Variants in NEU3 observed in about 807,000 individuals in gnomAD.
The protein encoded by NEU3 is neuraminidase 3, also known as sialidase-3.
A neutral mutation model predicts 11.4 loss-of-function variants in NEU3; 10 were observed. That is an observed-to-expected ratio of 0.88 (90% CI 0.54 to 1.49). The LOEUF (loss-of-function observed/expected upper bound fraction) is 1.49. NEU3 is among the 40% of genes most tolerant of loss of function. The pLI is 0.00. For missense variants in NEU3, 529 were observed against 581.8 expected (o/e 0.91, Z 0.93); for synonymous variants, 212 against 228.2 (o/e 0.93, Z 0.64).
intron 2 of NEU3, among the ~76,000 whole-genome samples, chr11:75,004,891 CCTTTT>C (rs1435592101): frequency 1.3e-5 from 2 of 151,708 alleles, no homozygotes; most frequent in African/African-American, 4.8e-5. Flanking sequence ...TTCTTTTCTT[CCTTTT>C]CTTTTTTCTT....
rs960876233 is a variant in NEU3 at position 75,006,514 on chromosome 11, A to G, written c.*22A>G. On this transcript the variant is annotated 3_prime_UTR_variant, in exon 3 of 3. Coordinates refer to ENST00000294064, the MANE Select transcript of NEU3 (RefSeq NM_006656.6). ...TTAATTGGCTTAGGACCCAATTTCC[A>G]TAGATGCAAATGGCAGTTACAGACA... The G allele has an allele frequency of 7.6e-6, 12 of 1,580,630 alleles. No homozygotes were observed. Among genetic ancestry groups the G allele is most frequent in the Non-Finnish European group, 1.0e-5 (12 of 1,163,196 alleles).
Position 75,006,033 on chromosome 11 carries a change from A to T in NEU3, c.927A>T (p.Pro309=), listed in dbSNP as rs766760875. 6.2e-7 allele frequency: 1 copy of T among 1,613,974 alleles called. No homozygotes were observed. The highest frequency in any genetic ancestry group is 8.5e-7 in the Non-Finnish European group (1 of 1,179,878). Residue 309 remains proline, a synonymous_variant, in exon 3 of 3, where the codon CCA becomes CCT. Coordinates refer to ENST00000294064, the MANE Select transcript of NEU3 (RefSeq NM_006656.6). ...LALSRQLCEP[P]HGCQGSVVSF... ...TGAGTCGACAGCTCTGTGAGCCCCCACATGGTTGCCAAGGGAGTGTGGTAA... is the reference window on the plus strand; with the variant it reads ...TGAGTCGACAGCTCTGTGAGCCCCCTCATGGTTGCCAAGGGAGTGTGGTAA...
intron 2 of NEU3, among the ~76,000 whole-genome samples, chr11:74,998,701 TG>T (rs1490743661): frequency 6.6e-6 from 1 of 152,214 alleles, no homozygotes; most frequent in African/African-American, 2.4e-5. Flanking sequence ...CATCAATCCC[TG>T]TCTTTGCTTT....
chr11:74,989,083 C>T lies in NEU3; in HGVS notation c.23C>T (p.Pro8Leu), dbSNP rs1948701343. 1 of 1,550,862 alleles carries T rather than the reference C, an allele frequency of 6.4e-7. No individual in the cohort carries two copies. MRPADLP[P>L]RPMEESPASS... Reference sequence around the variant, plus strand: ...CGAATGAGACCTGCGGACCTGCCCCCGCGCCCCATGGAAGAATCCCCGGCG... The same window carrying T: ...CGAATGAGACCTGCGGACCTGCCCCTGCGCCCCATGGAAGAATCCCCGGCG... Residue 8 changes from proline (P) to leucine (L), a missense_variant, in exon 1 of 3, where the codon CCG (proline) becomes CTG (leucine). Physicochemically the swap from Pro to Leu is moderately conservative, Grantham distance 98 (BLOSUM62 -3). Coordinates refer to ENST00000294064, the MANE Select transcript of NEU3 (RefSeq NM_006656.6).
intron 3 of NEU3, among the ~76,000 whole-genome samples, chr11:75,018,362 A>C (rs1171858976): frequency 6.6e-6 from 1 of 152,006 alleles, no homozygotes; most frequent in Non-Finnish European, 1.5e-5. Flanking sequence ...GCCGAAGGAG[A>C]CTAACATTTG....
Position 74,994,586 on chromosome 11 carries a change from C to G in NEU3, c.172C>G (p.Arg58Gly). Residue 58 changes from arginine to glycine, a missense_variant, in exon 2 of 3, where the codon CGG becomes GGG. Transcript: ENST00000294064. ...GGAAGATGACAGAGGGATTACCTAC[C>G]GGATCCCAGCCCTGCTCTACATACC... ...RQEDDRGITY[R>G]IPALLYIPPT... 6.2e-7 allele frequency: 1 copy of G among 1,613,952 alleles called. No individual in the cohort carries two copies.
rs369776172 is a variant in NEU3 at position 75,005,849 on chromosome 11, G to A, written c.743G>A (p.Gly248Asp). ...SDDLGVTWHH[G>D]RLIRPMVTVE... ...GACCTAGGGGTCACATGGCACCATG[G>A]TAGACTCATTAGGCCCATGGTTACA... is the stretch of plus-strand genomic sequence containing the variant. Residue 248 changes from glycine (G) to aspartate (D), a missense_variant, in exon 3 of 3, where the codon GGT becomes GAT. By Grantham distance (94) the Gly-to-Asp change is moderately conservative. Transcript: ENST00000294064. The A allele has an allele frequency of 2.6e-5, 42 of 1,613,844 alleles. 1 individual carries two copies. Among genetic ancestry groups the A allele is most frequent in the Middle Eastern group, 3.3e-4 (2 of 6,084 alleles).
chr11:74,987,729 C>T (rs901276407), upstream of NEU3, among the ~76,000 whole-genome samples: 23 of 151,940 alleles, frequency 1.5e-4, no homozygotes, highest in Non-Finnish European at 5.9e-5. Context: ...AGGAGAATGG[C>T]GTGAACCCGG....
chr11:75,007,866 C>G lies in NEU3; in HGVS notation c.*1374C>G, dbSNP rs1480566017. 1 of 152,000 alleles carries G rather than the reference C, an allele frequency of 6.6e-6. No homozygotes were observed. Among genetic ancestry groups the G allele is most frequent in the African/African-American group, 2.4e-5 (1 of 41,348 alleles). 9.4% of individuals were successfully genotyped at this position (152,000 alleles called of 1,614,324 possible). On this transcript the variant is annotated 3_prime_UTR_variant, in exon 3 of 3. Coordinates refer to ENST00000294064, the MANE Select transcript of NEU3 (RefSeq NM_006656.6). The stretch of plus-strand genomic sequence containing the variant: ...AGGAGTCTAATGCTTAAACTGGTAT[C>G]AACTAAATATATTTGGTGTTGTACA...
Position 75,007,808 on chromosome 11 carries a change from A to T in NEU3, c.*1316A>T, listed in dbSNP as rs1948913726. ...AGCCTGTTATTGCAACAGAAATTCTATCATGAGAGATTTATTTTTTTGTCC... is the reference window on the plus strand; with the variant it reads ...AGCCTGTTATTGCAACAGAAATTCTTTCATGAGAGATTTATTTTTTTGTCC... On this transcript the variant is annotated 3_prime_UTR_variant, in exon 3 of 3. Transcript: ENST00000294064. 6.6e-6 allele frequency: 1 copy of T among 152,198 alleles called. No homozygotes were observed. Among genetic ancestry groups the T allele is most frequent in the Non-Finnish European group, 1.5e-5 (1 of 68,038 alleles). The allele number at this position is 152,198 out of a possible 1,614,324, so 9.4% of individuals were successfully genotyped here.
At chr11:74,989,523 C>T (rs1385589949) in intron 1 of NEU3, among the ~76,000 whole-genome samples, 2 of 152,036 alleles carry the variant, frequency 1.3e-5, no homozygotes, top group Non-Finnish European at 2.9e-5. Context: ...GTCCCCATCC[C>T]GGGCCCGAGT....
intron 2 of NEU3, among the ~76,000 whole-genome samples, chr11:74,997,365 C>A (rs1479982694): frequency 6.6e-6 from 1 of 152,214 alleles, no homozygotes; most frequent in Non-Finnish European, 1.5e-5. Context: ...GCTTCCATAC[C>A]TCTCTCAGCC....
chr11:75,005,028 C>T (rs1365454513), intron 2 of NEU3, among the ~76,000 whole-genome samples: 5 of 151,566 alleles, frequency 3.3e-5, no homozygotes, highest in Admixed American at 6.6e-5. Flanking sequence ...CCTGAAAAGG[C>T]TCATAGTCTA....
At chr11:75,020,541 C>A (rs183595913), downstream of NEU3, among the ~76,000 whole-genome samples, 7 of 152,310 alleles carry the variant, frequency 4.6e-5, no homozygotes, top group African/African-American at 1.7e-4. Flanking sequence ...AGGCAGAGTT[C>A]CCCTTCACAA....
chr11:75,005,917 C>T lies in NEU3; in HGVS notation c.811C>T (p.Pro271Ser), dbSNP rs748401241. The change falls in exon 3 of 3, where the codon CCT (proline) becomes TCT (serine). Residue 271 changes from proline (P) to serine (S), a missense_variant. By Grantham distance (74) the Pro-to-Ser change is moderately conservative. Transcript: ENST00000294064. ...AGAGGTGACTGGGAGGGCTGGCCAC[C>T]CTGTGCTATATTGCAGTGCCCGGAC... ...VAEVTGRAGH[P>S]VLYCSARTPN... is the part of the protein sequence containing the mutation. 2 of 1,613,624 alleles carry T rather than the reference C, an allele frequency of 1.2e-6. No homozygotes were observed. The highest frequency in any genetic ancestry group is 1.7e-6 in the Non-Finnish European group (2 of 1,179,850).
At position 75,005,808 on chromosome 11, in the gene NEU3, G is replaced by A; in HGVS notation, c.702G>A (p.Leu234=). 1 of 1,613,946 alleles carries A rather than the reference G, an allele frequency of 6.2e-7. No homozygotes were observed. Among genetic ancestry groups the A allele is most frequent in the Non-Finnish European group, 8.5e-7 (1 of 1,179,862 alleles). The stretch of plus-strand genomic sequence containing the variant: ...CATGTAAAACCAGGCCTCATTCTCT[G>A]ATGATCTACAGTGATGACCTAGGGG... ...QLPCKTRPHS[L]MIYSDDLGVT... is the part of the protein sequence containing the mutation. The change falls in exon 3 of 3, where the codon CTG becomes CTA. Residue 234 remains leucine, a synonymous_variant. Transcript: ENST00000294064.
intron 2 of NEU3, chr11:74,995,023 G>A (rs1321705113): frequency 6.9e-6 from 4 of 580,336 alleles, no homozygotes; most frequent in Non-Finnish European, 1.2e-5. Context: ...AGCAGTAGAA[G>A]CTGGTTTCAA....
At chr11:74,989,631 A>G (rs1186002777) in intron 1 of NEU3, among the ~76,000 whole-genome samples, 1 of 152,172 alleles carries the variant, frequency 6.6e-6, no homozygotes. Flanking sequence ...GAGTGAATAA[A>G]TGAGATAGGA....
rs1186885782 is a variant in NEU3 at position 75,009,672 on chromosome 11, A to C, written c.*3180A>C. On this transcript the variant is annotated 3_prime_UTR_variant, in exon 3 of 3. Coordinates refer to ENST00000294064, the MANE Select transcript of NEU3 (RefSeq NM_006656.6). ...CCCCCTTCCTGTCCCTTGGACTCAG[A>C]ATGGATCCTTCCAGCACACATGGCC... 1.3e-5 allele frequency: 2 copies of C among 152,306 alleles called. No individual in the cohort carries two copies. The highest frequency in any genetic ancestry group is 2.9e-5 in the Non-Finnish European group (2 of 68,126). The allele number at this position is 152,306 out of a possible 1,614,324, so 9.4% of individuals were successfully genotyped here.
Sources: gnomAD v4.1 joint callset for allele counts (sites outside exome capture counted in the v4.1 genomes callset) on GRCh38, gnomAD v4.1.1 for gene constraint, MANE v1.5 for transcripts, NCBI Gene and HGNC (gene_info 2026-07-23, HGNC 2026-07-21) for gene names.